CDH1: variants seen among roughly 807,000 people sequenced by gnomAD.
CDH1 encodes cadherin 1, also known as cadherin-1.
In CDH1, 35 loss-of-function variants were observed where a neutral mutation model predicts 84.5. That is an observed-to-expected ratio of 0.41 (90% CI 0.32 to 0.55). The LOEUF (loss-of-function observed/expected upper bound fraction) is 0.55. Among genes scored for constraint, CDH1 ranks in the 20% least tolerant of loss-of-function variants. The probability of loss-of-function intolerance (pLI) is 0.19; values close to 1 mark genes in which losing one functional copy is unlikely to be tolerated. For missense variants in CDH1, 994 were observed against 1,126.6 expected (o/e 0.88, Z 1.68); for synonymous variants, 417 against 439.0 (o/e 0.95, Z 0.63).
chr16:68,788,540 CGG>C (rs1194318439), intron 2 of CDH1, among the ~76,000 whole-genome samples: 57 of 152,114 alleles, frequency 3.7e-4, no homozygotes, highest in Non-Finnish European at 7.6e-4. Context: ...TTCTTTCACT[CGG>C]TGTAATGCTT....
chr16:68,764,022 T>C (rs1258666398), intron 2 of CDH1, among the ~76,000 whole-genome samples: 1 of 152,172 alleles, frequency 6.6e-6, no homozygotes, highest in African/African-American at 2.4e-5. Flanking sequence ...GTGGAGACTT[T>C]GAGGGGCTTT....
intron 3 of CDH1, among the ~76,000 whole-genome samples, chr16:68,806,223 C>A (rs772088522): frequency 2.6e-5 from 4 of 151,906 alleles, no homozygotes; most frequent in Non-Finnish European, 5.9e-5. Context: ...ATGATCTCAG[C>A]TCACTGCAAC....
At chr16:68,737,651 G>A (rs1167874574) in intron 1 of CDH1, among the ~76,000 whole-genome samples, 188 bp downstream of exon 1, 1 of 152,214 alleles carries the variant, frequency 6.6e-6, no homozygotes, top group Non-Finnish European at 1.5e-5. Flanking sequence ...GGGGGTGGGT[G>A]GTGAGGGGCG....
intron 13 of CDH1, among the ~76,000 whole-genome samples, chr16:68,825,203 G>T (rs892975825): frequency 9.2e-5 from 14 of 152,190 alleles, no homozygotes; most frequent in Non-Finnish European, 1.8e-4. Context: ...TGTAGTCAGG[G>T]TAGTCAGAAA....
intron 3 of CDH1, among the ~76,000 whole-genome samples, chr16:68,804,102 CTTTTTTTTTTTTTTTTTTTT>C (rs10563852): frequency 1.3e-5 from 1 of 75,092 alleles, no homozygotes; most frequent in Admixed American, 1.7e-4. Context: ...ATCTGTCTGC[CTTTTTTTTTTTTTTTTTTTT>C]TTTTTTTTTG....
chr16:68,804,998 T>C, intron 3 of CDH1, among the ~76,000 whole-genome samples: 1 of 19,056 alleles, frequency 5.2e-5, no homozygotes, highest in South Asian at 1.9e-3. Context: ...CCCAGCTAAT[T>C]TTTTTTTTTT....
In CDH1 at chr16:68,808,821, G is replaced by A. The variant is rs747484647; in HGVS notation, c.660G>A (p.Leu220=). The A allele has an allele frequency of 6.2e-7, 1 of 1,614,086 alleles. No homozygotes were observed. Among genetic ancestry groups the A allele is most frequent in the South Asian group, 1.1e-5 (1 of 91,080 alleles). Residue 220 remains leucine (L), a synonymous_variant, in exon 5 of 16, where the codon CTG becomes CTA. Transcript: ENST00000261769. Reference sequence around the variant, plus strand: ...GATGGCTGAAGGTGACAGAGCCTCTGGATAGAGAACGCATTGCCACATACA... The same window carrying A: ...GATGGCTGAAGGTGACAGAGCCTCTAGATAGAGAACGCATTGCCACATACA... The part of the protein sequence containing the change: ...ETGWLKVTEP[L]DRERIATYTL...
At chr16:68,810,692 C>T (rs1253069045) in intron 6 of CDH1, among the ~76,000 whole-genome samples, 3 of 150,740 alleles carry the variant, frequency 2.0e-5, no homozygotes, top group African/African-American at 7.3e-5. Flanking sequence ...GGTGAAACCT[C>T]GTCTCTATTA....
At chr16:68,804,098 C>T (rs75007199) in intron 3 of CDH1, among the ~76,000 whole-genome samples, 1,312 of 129,334 alleles carry the variant, frequency 0.01, 58 homozygotes, top group African/African-American at 0.037. Flanking sequence ...AGTTATCTGT[C>T]TGCCTTTTTT....
chr16:68,811,000 C>T (rs1960806283), intron 6 of CDH1, among the ~76,000 whole-genome samples: 1 of 152,158 alleles, frequency 6.6e-6, no homozygotes, highest in African/African-American at 2.4e-5. Flanking sequence ...GCTACTATAC[C>T]TGGCTAAGAA....
At chr16:68,821,821 C>T (rs1441623825) in intron 11 of CDH1, among the ~76,000 whole-genome samples, 180 bp from the exon 12 acceptor site, 1 of 152,120 alleles carries the variant, frequency 6.6e-6, no homozygotes, top group Non-Finnish European at 1.5e-5. Flanking sequence ...GGCCAGAGAC[C>T]TGCCCACCTG....
chr16:68,829,449 T>A (rs1961417248), intron 14 of CDH1, among the ~76,000 whole-genome samples: 1 of 152,200 alleles, frequency 6.6e-6, no homozygotes, highest in African/African-American at 2.4e-5. Context: ...CACATGCTAC[T>A]CACAATCCTT....
Position 68,835,368 on chromosome 16 carries a change from T to C in CDH1, c.*1869T>C, listed in dbSNP as rs1961609347. 1 of 222,672 alleles carries C rather than the reference T, an allele frequency of 4.5e-6. No individual in the cohort carries two copies. The highest frequency in any genetic ancestry group is 9.0e-6 in the Non-Finnish European group (1 of 111,100). 13.8% of individuals were successfully genotyped at this position (222,672 alleles called of 1,614,324 possible). On this transcript the variant is annotated 3_prime_UTR_variant, in exon 16 of 16. Transcript: ENST00000261769. The stretch of plus-strand genomic sequence containing the variant: ...CTTGATTTTTCGGCAGTTCAAGCTA[T>C]ATCGAATATAGTTCTGTGTAGAGAA...
intron 2 of CDH1, among the ~76,000 whole-genome samples, chr16:68,740,802 A>G (rs1008628702): frequency 3.7e-4 from 57 of 152,240 alleles, no homozygotes; most frequent in African/African-American, 1.3e-3. Flanking sequence ...AGTCTTCACT[A>G]GAACGTTAGG....
intron 13 of CDH1, among the ~76,000 whole-genome samples, chr16:68,825,803 C>CTTTTTT (rs869187109): frequency 5.3e-5 from 5 of 94,496 alleles, no homozygotes; most frequent in African/African-American, 1.9e-4. Context: ...TAAAGGGAAT[C>CTTTTTT]TTTTTTTTTT....
At chr16:68,777,534 C>CTTTTTTTTTTTTT (rs71148949) in intron 2 of CDH1, among the ~76,000 whole-genome samples, 1 of 76,968 alleles carries the variant, frequency 1.3e-5, no homozygotes, top group Non-Finnish European at 2.3e-5. Flanking sequence ...GTAATGTTTC[C>CTTTTTTTTTTTTT]TTTTTTTTTT....
At chr16:68,796,507 G>C (rs1409804723) in intron 2 of CDH1, among the ~76,000 whole-genome samples, 1 of 152,216 alleles carries the variant, frequency 6.6e-6, no homozygotes, top group East Asian at 1.9e-4. Context: ...AAGTGGGACT[G>C]TTCCGTGTGG....
chr16:68,738,845 C>G (rs1962477767), intron 2 of CDH1, among the ~76,000 whole-genome samples: 1 of 151,318 alleles, frequency 6.6e-6, no homozygotes, highest in South Asian at 2.1e-4. Flanking sequence ...GGATCTGACT[C>G]CCAGGCCCCA....
rs765584830 is a variant in CDH1, at chr16:68,812,087, G to A, written c.1009-48G>A. 4.3e-6 allele frequency: 7 copies of A among 1,613,540 alleles called. 1 individual carries two copies. The South Asian group carries it at 7.7e-5, about 18-fold the overall frequency. On this transcript the variant is annotated intron_variant, in intron 7 of 15. Coordinates refer to ENST00000261769, the MANE Select transcript of CDH1 (RefSeq NM_004360.5). Reference sequence around the variant, plus strand: ...TGTGTTGGGCTGGGCTAGGCCAAAGGTGGCTAGTGTTCCTGGTCCTGACTT... The same window carrying A: ...TGTGTTGGGCTGGGCTAGGCCAAAGATGGCTAGTGTTCCTGGTCCTGACTT...
Sources: allele counts gnomAD v4.1 joint callset (sites outside exome capture counted in the v4.1 genomes callset), GRCh38; gene constraint gnomAD v4.1.1; transcripts MANE v1.5; gene names NCBI Gene and HGNC (gene_info 2026-07-23, HGNC 2026-07-21).